FAF1: variants seen among roughly 807,000 people sequenced by gnomAD.
FAF1 encodes the protein Fas associated factor 1.
FAF1 carries 25 observed loss-of-function variants against 92.5 expected under a neutral mutation model. That is an observed-to-expected ratio of 0.27 (90% CI 0.20 to 0.38). The LOEUF (loss-of-function observed/expected upper bound fraction) is 0.38, where lower values mean the gene tolerates loss of function less well. FAF1 is among the 10% of genes least tolerant of loss of function. The pLI is 1.00. For synonymous variants in FAF1, 234 were observed against 273.2 expected, an observed-to-expected ratio of 0.86 and a Z score of 1.42; for missense variants, 636 against 793.3, an observed-to-expected ratio of 0.80 and a Z score of 2.38.
At chr1:50,944,845 T>C (rs12092977) in intron 1 of FAF1, among the ~76,000 whole-genome samples, 3,055 of 152,216 alleles carry the variant, frequency 0.02, 99 homozygotes, top group African/African-American at 0.071. Flanking sequence ...ATGCCTAAAA[T>C]TGGTCAGGGT....
chr1:50,637,715 G>GTGCA (rs1654121299), intron 8 of FAF1, among the ~76,000 whole-genome samples: 1 of 150,676 alleles, frequency 6.6e-6, no homozygotes, highest in African/African-American at 2.4e-5. Context: ...GTGTGTGTGC[G>GTGCA]TGTGCATATG....
At chr1:50,910,598 C>T (rs1165638060) in intron 1 of FAF1, among the ~76,000 whole-genome samples, 1 of 152,074 alleles carries the variant, frequency 6.6e-6, no homozygotes, top group Non-Finnish European at 1.5e-5. Context: ...GACGCCCCTC[C>T]CCCAGCCTTG....
At chr1:50,732,210 G>T (rs1192846380) in intron 6 of FAF1, among the ~76,000 whole-genome samples, 3 of 152,044 alleles carry the variant, frequency 2.0e-5, no homozygotes, top group East Asian at 1.9e-4. Context: ...GAGTAGCTGG[G>T]ACTACAGGCG....
chr1:50,637,564 T>C (rs1356576100), intron 8 of FAF1, among the ~76,000 whole-genome samples: 1 of 151,896 alleles, frequency 6.6e-6, no homozygotes, highest in Non-Finnish European at 1.5e-5. Flanking sequence ...AAAAATGCTA[T>C]TGAGATTTTG....
intron 6 of FAF1, among the ~76,000 whole-genome samples, chr1:50,707,949 A>T (rs1338667249): frequency 6.6e-6 from 1 of 152,132 alleles, no homozygotes; most frequent in South Asian, 2.1e-4. Flanking sequence ...GGTGCTAAGG[A>T]GCTGCGTGCG....
intron 12 of FAF1, among the ~76,000 whole-genome samples, chr1:50,579,326 G>A (rs1650890750): frequency 6.6e-6 from 1 of 152,060 alleles, no homozygotes; most frequent in African/African-American, 2.4e-5. Context: ...CTTTGGAAAT[G>A]GGCTTTTAAA....
chr1:50,443,534 T>C (rs1217236822), intron 18 of FAF1, among the ~76,000 whole-genome samples: 1 of 152,218 alleles, frequency 6.6e-6, no homozygotes, highest in Non-Finnish European at 1.5e-5. Context: ...ATATGGTTAA[T>C]AAGTGTCTAT....
intron 12 of FAF1, among the ~76,000 whole-genome samples, chr1:50,568,497 G>C (rs528502042): frequency 3.3e-5 from 5 of 152,096 alleles, no homozygotes; most frequent in Non-Finnish European, 5.9e-5. Context: ...GGTAAATTTC[G>C]TAATAGATGA....
intron 8 of FAF1, among the ~76,000 whole-genome samples, chr1:50,638,936 C>G (rs980885114): frequency 6.6e-6 from 1 of 152,188 alleles, no homozygotes; most frequent in African/African-American, 2.4e-5. Context: ...CTAATACACA[C>G]ATTTCTATGA....
intron 1 of FAF1, among the ~76,000 whole-genome samples, chr1:50,936,970 A>G (rs754414828): frequency 6.6e-6 from 1 of 152,124 alleles, no homozygotes; most frequent in Non-Finnish European, 1.5e-5. Context: ...AAGGAAATGT[A>G]GGAGAAAACC....
At chr1:50,813,776 C>G (rs1176724063) in intron 2 of FAF1, among the ~76,000 whole-genome samples, 12 of 151,884 alleles carry the variant, frequency 7.9e-5, no homozygotes, top group Non-Finnish European at 1.5e-5. Context: ...CGGCATCTCT[C>G]CATACCACTC....
At chr1:50,604,352 G>A (rs571992519) in intron 8 of FAF1, among the ~76,000 whole-genome samples, 313 of 152,244 alleles carry the variant, frequency 2.1e-3, no homozygotes, top group Non-Finnish European at 4.0e-3. Flanking sequence ...CCAAATGAAA[G>A]GCAGTTTCTC....
At chr1:50,462,037 ATATT>A (rs1486539574) in intron 18 of FAF1, among the ~76,000 whole-genome samples, 1 of 147,638 alleles carries the variant, frequency 6.8e-6, no homozygotes, top group Non-Finnish European at 1.5e-5. Context: ...ATTATATTAT[ATATT>A]AATACCAATA....
At chr1:50,475,416 C>T (rs1342769422) in intron 18 of FAF1, 48 bp downstream of exon 18, 4 of 1,434,950 alleles carry the variant, frequency 2.8e-6, no homozygotes, top group Non-Finnish European at 2.9e-6. Flanking sequence ...TTAATGATGG[C>T]ACATCTCCCA....
At chr1:50,858,739 T>C (rs1169247683) in intron 1 of FAF1, among the ~76,000 whole-genome samples, 4 of 151,914 alleles carry the variant, frequency 2.6e-5, no homozygotes, top group Non-Finnish European at 5.9e-5. Flanking sequence ...TGAAATTATA[T>C]TTCTGGTGTT....
chr1:50,833,979 T>G (rs1019291847), intron 2 of FAF1, among the ~76,000 whole-genome samples: 18 of 152,252 alleles, frequency 1.2e-4, no homozygotes, highest in African/African-American at 4.3e-4. Flanking sequence ...TGGTTTGGAT[T>G]TATGTCCTTG....
intron 13 of FAF1, among the ~76,000 whole-genome samples, chr1:50,545,581 T>A (rs2149043453): frequency 6.6e-6 from 1 of 151,588 alleles, no homozygotes; most frequent in Non-Finnish European, 1.5e-5. Context: ...AAAGCTATAT[T>A]TTAAAAAAAA....
chr1:50,888,678 G>GT lies in FAF1; in HGVS notation c.46-30682dup, dbSNP rs538383513. Among the ~76,000 whole-genome samples, 295 of 152,262 alleles carry GT rather than the reference G, an allele frequency of 1.9e-3. 3 individuals carry two copies. The highest frequency in any genetic ancestry group is 6.9e-3 in the African/African-American group (285 of 41,548). On this transcript the variant is annotated intron_variant, in intron 1 of 18. Transcript: ENST00000396153. Reference sequence around the variant, plus strand: ...TGCTGGATTACGTTTACTGATTTGCGTATGTCGAACGAGCCTTGCATCCCA... The same window carrying GT: ...TGCTGGATTACGTTTACTGATTTGCGTTATGTCGAACGAGCCTTGCATCCCA...
At chr1:50,757,998 A>G (rs942687840) in intron 4 of FAF1, among the ~76,000 whole-genome samples, 3 of 152,092 alleles carry the variant, frequency 2.0e-5, no homozygotes, top group African/African-American at 7.2e-5. Context: ...GCTCACTGCA[A>G]CCTCTGCCTC....
Sources: allele counts gnomAD v4.1 joint callset (sites outside exome capture counted in the v4.1 genomes callset), GRCh38; gene constraint gnomAD v4.1.1; transcripts MANE v1.5; gene names NCBI Gene and HGNC (gene_info 2026-07-23, HGNC 2026-07-21).